Variants in USP36 observed in about 807,000 individuals in gnomAD.
USP36 encodes the protein ubiquitin specific peptidase 36, also known as ubiquitin carboxyl-terminal hydrolase 36.
In USP36, 59 loss-of-function variants were observed where a neutral mutation model predicts 111.5. The ratio of observed to expected loss-of-function variants is 0.53; its 90% CI spans 0.43 to 0.66. The LOEUF (loss-of-function observed/expected upper bound fraction) is 0.66, where lower values mean the gene tolerates loss of function less well. Ranked by LOEUF, USP36 falls within the 30% of genes least tolerant of loss-of-function variation. USP36 has a pLI of 0.00. For missense variants in USP36, 1,488 were observed against 1,468.0 expected (o/e 1.01, Z -0.22); for synonymous variants, 628 against 581.0 (o/e 1.08, Z -1.16).
downstream of USP36, chr17:78,795,611 T>TA (rs959261871): frequency 5.2e-4 from 76 of 146,670 alleles, no homozygotes; most frequent in East Asian, 9.8e-4. The surrounding 1 kb of genome is among the most constrained non-coding windows in gnomAD (Gnocchi z 4.5). Context: ...GGATGTACTT[T>TA]AAAAAAAAAA....
chr17:78,788,825 C>A (rs2093557425), intron 3 of USP36, among the ~76,000 whole-genome samples: 1 of 152,146 alleles, frequency 6.6e-6, no homozygotes, highest in Non-Finnish European at 1.5e-5. Flanking sequence ...TCCACCAAGG[C>A]CAGAATGCTG....
rs145768831 is a variant in USP36 at position 78,804,773 on chromosome 17, C to T, written c.2217-795G>A. Among the ~76,000 whole-genome samples, 371 of 150,584 alleles carry T rather than the reference C, an allele frequency of 2.5e-3. 4 individuals carry two copies. The East Asian group carries it at 0.036, about 15-fold the overall frequency. On this transcript the variant is annotated intron_variant, in intron 15 of 20. Coordinates refer to ENST00000449938, the MANE Select transcript of USP36 (RefSeq NM_001385174.1). ...TCACCAAGCAATTCAAGTATTTTTGCGAGCTCTAATGTAAAAACATCTTTA... is the reference window on the plus strand; with the variant it reads ...TCACCAAGCAATTCAAGTATTTTTGTGAGCTCTAATGTAAAAACATCTTTA...
intron 13 of USP36, among the ~76,000 whole-genome samples, chr17:78,809,351 T>A (rs914662742): frequency 1.3e-5 from 2 of 152,242 alleles, no homozygotes; most frequent in Non-Finnish European, 2.9e-5. Flanking sequence ...CTATTCTTTG[T>A]TAATACTGTT....
At chr17:78,792,391 C>A (rs2093590796), downstream of USP36, among the ~76,000 whole-genome samples, 1 of 152,106 alleles carries the variant, frequency 6.6e-6, no homozygotes, top group South Asian at 2.1e-4. Context: ...CCTCGTCCAG[C>A]ATCTCCAGTA....
chr17:78,832,903 C>T (rs2068278875), intron 4 of USP36, among the ~76,000 whole-genome samples: 1 of 152,176 alleles, frequency 6.6e-6, no homozygotes, highest in Non-Finnish European at 1.5e-5. Flanking sequence ...AATCTCAGCA[C>T]TTTCGGAGGC....
At chr17:78,793,895 C>T (rs778887484), downstream of USP36, among the ~76,000 whole-genome samples, 1 of 152,112 alleles carries the variant, frequency 6.6e-6, no homozygotes, top group Non-Finnish European at 1.5e-5. Flanking sequence ...TAGGATTCTC[C>T]CTGGGTTCCC....
At position 78,806,198 on chromosome 17, in the gene USP36, G is replaced by C. The variant is rs150924360; in HGVS notation, c.2174C>G (p.Ser725Cys). Residue 725 changes from serine to cysteine, a missense_variant, in exon 15 of 21, where the codon TCT becomes TGT. Transcript: ENST00000449938. ...CCAAGTGGAGGCAACGACGGGGTGA[G>C]AGGTTTTCATGGGGTGGGTGAGGTC... ...SSDLTHPMKT[S>C]HPVVASTWPV... 1.9e-3 allele frequency: 3,138 copies of C among 1,613,618 alleles called. 3 individuals carry two copies. The highest frequency in any genetic ancestry group is 2.5e-3 in the Non-Finnish European group (2,924 of 1,179,956).
rs568261440 is a variant in USP36 at position 78,798,608 on chromosome 17, G to A, written c.3241-57C>T. ...CAAAAACGGCTCTTTCCTGGCCCAC[G>A]GGGCTCCATGCTGCATGCAGGTCCT... On this transcript the variant is annotated intron_variant, in intron 19 of 20. Transcript: ENST00000449938. The surrounding 1 kb of genome is among the most constrained non-coding windows in gnomAD (Gnocchi z 5.1). 53 of 1,602,286 alleles carry A rather than the reference G, an allele frequency of 3.3e-5. 1 individual carries two copies. Among genetic ancestry groups the A allele is most frequent in the Admixed American group, 2.7e-4 (16 of 59,654 alleles).
In USP36 at chr17:78,821,584, C is replaced by T. The variant is rs372374583; in HGVS notation, c.757+353G>A. Among the ~76,000 whole-genome samples, 823 of 151,488 alleles carry T rather than the reference C, an allele frequency of 5.4e-3. 5 individuals are homozygous for T. The highest frequency in any genetic ancestry group is 0.018 in the African/African-American group (753 of 41,294). On this transcript the variant is annotated intron_variant, in intron 7 of 20. Transcript: ENST00000449938. Reference sequence around the variant, plus strand: ...CTGGGATTGCAGGCATGTGCCACCGCGCCTGGCTGATTTTTGTATTTTTAG... The same window carrying T: ...CTGGGATTGCAGGCATGTGCCACCGTGCCTGGCTGATTTTTGTATTTTTAG...
intron 10 of USP36, 97 bp downstream of exon 10, chr17:78,818,570 C>G: frequency 9.7e-7 from 1 of 1,033,332 alleles, no homozygotes; most frequent in Non-Finnish European, 1.5e-6. Context: ...ACTGTGTAAA[C>G]AGCAGCTATC....
chr17:78,821,036 G>C lies in USP36; in HGVS notation c.783C>G (p.Val261=). 1 of 1,606,958 alleles carries C rather than the reference G, an allele frequency of 6.2e-7. No homozygotes were observed. The highest frequency in any genetic ancestry group is 8.5e-7 in the Non-Finnish European group (1 of 1,176,638). The change falls in exon 8 of 21, where the codon GTC becomes GTG. Residue 261 remains valine (V), a synonymous_variant. Transcript: ENST00000449938. ...CCAAGTAGGGGTCGTAGGTGTCCGA[G>C]ACGCTCTTGCACACGGAGCACTTCA... The part of the protein sequence containing the change: ...SRVKCSVCKS[V]SDTYDPYLDV...
In USP36 at chr17:78,798,309, TACAC is replaced by T. The variant is rs2093662784; in HGVS notation, c.*20+87_*20+90del. ...CCAGATACACAGCCCACATACATCATACACACACGCCACACCCCACCACACCCCT... is the reference window on the plus strand; with the variant it reads ...CCAGATACACAGCCCACATACATCATACACGCCACACCCCACCACACCCCT... On this transcript the variant is annotated intron_variant, in intron 20 of 20. Transcript: ENST00000449938. The surrounding 1 kb of genome is among the most constrained non-coding windows in gnomAD (Gnocchi z 5.1). The T allele has an allele frequency of 6.6e-7, 1 of 1,514,226 alleles. No homozygotes were observed. The highest frequency in any genetic ancestry group is 8.9e-7 in the Non-Finnish European group (1 of 1,124,072). The allele number at this position is 1,514,226 out of a possible 1,614,324, so 93.8% of individuals were successfully genotyped here. A position where few individuals can be genotyped will look rare whatever the true frequency, so the allele number is the denominator to read the frequency against.
Position 78,796,280 on chromosome 17 carries a change from AAT to A in USP36, c.*1618_*1619del, listed in dbSNP as rs2093627523. ...TGGCAGAGGGAACAGTTCACACAGG[AAT>A]GCAAGTCAACACCCCGAGAAGAAAA... On this transcript the variant is annotated 3_prime_UTR_variant, in exon 21 of 21. Coordinates refer to ENST00000449938, the MANE Select transcript of USP36 (RefSeq NM_001385174.1). 1.3e-5 allele frequency: 2 copies of A among 152,342 alleles called. No individual in the cohort carries two copies. Among genetic ancestry groups the A allele is most frequent in the African/African-American group, 4.8e-5 (2 of 41,560 alleles). The allele number at this position is 152,342 out of a possible 1,614,324, so 9.4% of individuals were successfully genotyped here.
chr17:78,808,942 AATGAAATTACAGATTTCATTTTC>A (rs2093983668), intron 13 of USP36, among the ~76,000 whole-genome samples: 1 of 152,142 alleles, frequency 6.6e-6, no homozygotes. Context: ...ATTTTCTGGA[AATGAAATTACAGATTTCATTTTC>A]ATGAAATCTG....
intron 15 of USP36, 111 bp from the exon 16 acceptor site, chr17:78,804,089 T>C (rs2093827723): frequency 1.3e-6 from 1 of 743,778 alleles, no homozygotes; most frequent in Admixed American, 3.1e-5. Context: ...TGAAAAGGCT[T>C]TTACCCTGTA....
chr17:78,798,339 A>C lies in USP36; in HGVS notation c.*20+61T>G. On this transcript the variant is annotated intron_variant, in intron 20 of 20. Coordinates refer to ENST00000449938, the MANE Select transcript of USP36 (RefSeq NM_001385174.1). The surrounding 1 kb of genome is among the most constrained non-coding windows in gnomAD (Gnocchi z 5.1). ...ACACGCCACACCCCACCACACCCCT[A>C]CACACATACACGGCACACACACCCC... is the stretch of plus-strand genomic sequence containing the variant. 1 of 1,590,096 alleles carries C rather than the reference A, an allele frequency of 6.3e-7. No homozygotes were observed. The highest frequency in any genetic ancestry group is 8.5e-7 in the Non-Finnish European group (1 of 1,169,704).
chr17:78,834,178 C>T (rs1007689207), intron 4 of USP36, among the ~76,000 whole-genome samples: 7 of 150,388 alleles, frequency 4.7e-5, no homozygotes, highest in Non-Finnish European at 1.5e-5. Flanking sequence ...ACCCAGGAGG[C>T]GGAGGTTGCA....
rs866645554 is a variant in USP36 at position 78,827,342 on chromosome 17, C to T, written c.592G>A (p.Ala198Thr). 8.7e-6 allele frequency: 14 copies of T among 1,611,166 alleles called. No homozygotes were observed. Among genetic ancestry groups the T allele is most frequent in the Middle Eastern group, 1.7e-4 (1 of 6,044 alleles). Residue 198 changes from alanine to threonine, a missense_variant, in exon 6 of 21, where the codon GCC (alanine) becomes ACC (threonine). Coordinates refer to ENST00000449938, the MANE Select transcript of USP36 (RefSeq NM_001385174.1). ...VSFIRDLKKI[A>T]RHFRFGNQED... ...TGGTTCCCAAAGCGGAAGTGTCGGG[C>T]GATCTCTAAAAGAGGAAGAAACAGG...
intron 4 of USP36, 84 bp from the exon 5 acceptor site, chr17:78,829,091 A>T: frequency 1.7e-6 from 2 of 1,184,548 alleles, no homozygotes; most frequent in Non-Finnish European, 2.4e-6. Flanking sequence ...ACGTTAACAC[A>T]GCCAGAAACA....
Sources: allele counts gnomAD v4.1 joint callset (sites outside exome capture counted in the v4.1 genomes callset), GRCh38; gene constraint gnomAD v4.1.1; non-coding constraint Gnocchi (gnomAD v3.1); transcripts MANE v1.5; gene names NCBI Gene and HGNC (gene_info 2026-07-23, HGNC 2026-07-21).